TAFA1: variants seen among roughly 807,000 people sequenced by gnomAD.
TAFA1 encodes the protein TAFA chemokine like family member 1.
Under a neutral mutation model 18.5 loss-of-function variants are expected in TAFA1, and 4 were observed. That is an observed-to-expected ratio of 0.22 (90% CI 0.11 to 0.49). The LOEUF (loss-of-function observed/expected upper bound fraction) is 0.49. Among genes scored for constraint, TAFA1 ranks in the 20% least tolerant of loss-of-function variants. The probability of loss-of-function intolerance (pLI) is 0.98; values close to 1 mark genes in which losing one functional copy is unlikely to be tolerated. For missense variants in TAFA1, 147 were observed against 169.0 expected (o/e 0.87, Z 0.72); for synonymous variants, 56 against 55.2 (o/e 1.01, Z -0.06).
intron 2 of TAFA1, among the ~76,000 whole-genome samples, chr3:68,170,473 G>A (rs1379320280): frequency 2.0e-5 from 3 of 152,124 alleles, no homozygotes; most frequent in Non-Finnish European, 4.4e-5. Context: ...TGGCACAAAA[G>A]GAGGCTGACC....
At chr3:68,309,284 A>C (rs1444625009) in intron 2 of TAFA1, among the ~76,000 whole-genome samples, 5 of 152,208 alleles carry the variant, frequency 3.3e-5, no homozygotes, top group Non-Finnish European at 5.9e-5. Flanking sequence ...AAAATACAAA[A>C]GTGAAATAAT....
intron 2 of TAFA1, among the ~76,000 whole-genome samples, chr3:68,324,070 G>T (rs1190675832): frequency 6.6e-6 from 1 of 152,068 alleles, no homozygotes; most frequent in African/African-American, 2.4e-5. Context: ...ATATGCTTTC[G>T]ATTTTCCAAA....
chr3:68,178,608 C>T (rs148594860), intron 2 of TAFA1, among the ~76,000 whole-genome samples: 1 of 152,200 alleles, frequency 6.6e-6, no homozygotes, highest in Admixed American at 6.5e-5. Context: ...AGGAAAGATA[C>T]TCCAGGCTAA....
chr3:68,406,903 G>C (rs1273072287), intron 2 of TAFA1, among the ~76,000 whole-genome samples: 7 of 152,094 alleles, frequency 4.6e-5, no homozygotes, highest in Admixed American at 2.6e-4. Context: ...GTATTTCCGT[G>C]GGGGTAGACC....
At position 68,039,712 on chromosome 3, in the gene TAFA1, G is replaced by T. The variant is rs148139993; in HGVS notation, c.118+32968G>T. ...GGTAGTTTACTTGGAGGTCATTGAT[G>T]ATCTCCAGAGATACAAGTGGGCAAA... On this transcript the variant is annotated intron_variant, in intron 2 of 4. Coordinates refer to ENST00000478136, the MANE Select transcript of TAFA1 (RefSeq NM_213609.4). 1.7e-3 allele frequency among the ~76,000 whole-genome samples: 262 copies of T among 152,268 alleles called. 2 individuals carry two copies. The highest frequency in any genetic ancestry group is 6.2e-3 in the African/African-American group (256 of 41,542).
chr3:68,364,283 C>T (rs2069526372), intron 2 of TAFA1, among the ~76,000 whole-genome samples: 1 of 152,132 alleles, frequency 6.6e-6, no homozygotes, highest in African/African-American at 2.4e-5. Flanking sequence ...GTTAGGGCTT[C>T]CCAGGGACAG....
At chr3:68,253,652 T>C (rs1241491423) in intron 2 of TAFA1, among the ~76,000 whole-genome samples, 1 of 152,206 alleles carries the variant, frequency 6.6e-6, no homozygotes, top group Non-Finnish European at 1.5e-5. Flanking sequence ...TGTTTCAACT[T>C]TCTGGCAGGT....
chr3:68,391,568 C>T (rs1391590263), intron 2 of TAFA1, among the ~76,000 whole-genome samples: 1 of 152,136 alleles, frequency 6.6e-6, no homozygotes, highest in Non-Finnish European at 1.5e-5. Context: ...TCAGATTCAC[C>T]ATGGTTGAAA....
At chr3:68,338,009 G>A (rs1322837938) in intron 2 of TAFA1, among the ~76,000 whole-genome samples, 1 of 152,188 alleles carries the variant, frequency 6.6e-6, no homozygotes, top group Admixed American at 6.5e-5. Context: ...GTGTTCAAGT[G>A]CAAAGCTTAA....
intron 2 of TAFA1, among the ~76,000 whole-genome samples, chr3:68,023,563 C>T (rs1362709972): frequency 6.6e-6 from 1 of 152,048 alleles, no homozygotes; most frequent in Non-Finnish European, 1.5e-5. Flanking sequence ...CCACAAAATA[C>T]CTTAGTGGTT....
intron 3 of TAFA1, among the ~76,000 whole-genome samples, chr3:68,524,533 T>C (rs1040442900): frequency 2.0e-5 from 3 of 152,092 alleles, no homozygotes; most frequent in African/African-American, 7.2e-5. Context: ...AAAATCAAAA[T>C]GAATTGGCAT....
intron 3 of TAFA1, among the ~76,000 whole-genome samples, chr3:68,424,981 A>T (rs2106819629): frequency 6.6e-6 from 1 of 152,112 alleles, no homozygotes; most frequent in African/African-American, 2.4e-5. Context: ...GTTAATGGAT[A>T]GTGTGATGCC....
intron 2 of TAFA1, among the ~76,000 whole-genome samples, chr3:68,018,626 G>A (rs1200973206): frequency 1.3e-5 from 2 of 152,184 alleles, no homozygotes; most frequent in Non-Finnish European, 2.9e-5. Context: ...GAACCCAGCA[G>A]TCTGACAAAT....
At chr3:68,487,518 C>T (rs892845527) in intron 3 of TAFA1, among the ~76,000 whole-genome samples, 4 of 151,826 alleles carry the variant, frequency 2.6e-5, no homozygotes, top group African/African-American at 7.3e-5. Flanking sequence ...GAGGCCGAGG[C>T]GGGCGGATCA....
chr3:68,002,528 C>A (rs1042427485), upstream of TAFA1, among the ~76,000 whole-genome samples: 6 of 152,152 alleles, frequency 3.9e-5, no homozygotes, highest in East Asian at 5.8e-4. Flanking sequence ...AAAACCACAA[C>A]CAACAACAAT....
intron 2 of TAFA1, among the ~76,000 whole-genome samples, chr3:68,390,308 C>G (rs932910092): frequency 6.6e-6 from 1 of 152,148 alleles, no homozygotes; most frequent in Non-Finnish European, 1.5e-5. Context: ...TCTCTAGATC[C>G]CTCATCTCTG....
At chr3:68,180,168 G>A (rs905372627) in intron 2 of TAFA1, among the ~76,000 whole-genome samples, 47 of 148,954 alleles carry the variant, frequency 3.2e-4, no homozygotes, top group African/African-American at 1.1e-3. Flanking sequence ...ATGTAGCTGG[G>A]ACTACAGGTG....
intron 2 of TAFA1, among the ~76,000 whole-genome samples, chr3:68,070,353 G>A (rs1427615171): frequency 6.6e-6 from 1 of 152,206 alleles, no homozygotes. Context: ...GCCCATTTTA[G>A]CTGCAGTTGG....
chr3:68,526,505 C>A (rs868457607), intron 3 of TAFA1, among the ~76,000 whole-genome samples: 1 of 152,082 alleles, frequency 6.6e-6, no homozygotes, highest in Non-Finnish European at 1.5e-5. Context: ...TTGAGATCAA[C>A]TGCACAGTGG....
Sources: allele counts gnomAD v4.1 joint callset (sites outside exome capture counted in the v4.1 genomes callset), GRCh38; gene constraint gnomAD v4.1.1; transcripts MANE v1.5; gene names NCBI Gene and HGNC (gene_info 2026-07-23, HGNC 2026-07-21).